CRISP3: variants seen among roughly 807,000 people sequenced by gnomAD.
The protein encoded by CRISP3 is cysteine rich secretory protein 3.
Under a neutral mutation model 36.1 loss-of-function variants are expected in CRISP3, and 33 were observed. The observed-to-expected ratio is 0.91, with a 90% CI of 0.69 to 1.22. The LOEUF (loss-of-function observed/expected upper bound fraction) is 1.22. Ranked by LOEUF, CRISP3 falls within the 50% of genes most tolerant of loss-of-function variation. The pLI is 0.00. For synonymous variants in CRISP3, 117 were observed against 104.6 expected (o/e 1.12, Z -0.72); for missense variants, 330 against 301.2 (o/e 1.10, Z -0.71).
intron 1 of CRISP3, among the ~76,000 whole-genome samples, chr6:49,743,705 G>A (rs1338868591): frequency 1.3e-5 from 2 of 152,008 alleles, no homozygotes; most frequent in East Asian, 1.9e-4. Context: ...AAATATGCAC[G>A]ATAGATATTA....
rs535787765 is a variant in CRISP3 at position 49,739,012 on chromosome 6, A to C, written c.38-1614T>G. Among the ~76,000 whole-genome samples the C allele has an allele frequency of 7.6e-3, 1,160 of 151,976 alleles. 18 individuals carry two copies. Among genetic ancestry groups the C allele is most frequent in the African/African-American group, 0.027 (1,114 of 41,420 alleles). On this transcript the variant is annotated intron_variant, in intron 1 of 7. Transcript: ENST00000263045. ...TACACTTGAAGTCTGAAAAAAAAAAAGAATCCACGAAAAATGATGTTGCCA... is the reference window on the plus strand; with the variant it reads ...TACACTTGAAGTCTGAAAAAAAAAACGAATCCACGAAAAATGATGTTGCCA...
chr6:49,732,455 T>C (rs563905842), intron 6 of CRISP3, among the ~76,000 whole-genome samples: 12 of 152,232 alleles, frequency 7.9e-5, no homozygotes, highest in Admixed American at 2.6e-4. Flanking sequence ...TTAAAGCTAA[T>C]AGATATGTTG....
rs377483373 is a variant in CRISP3, at chr6:49,733,268, C to T, written c.487G>A (p.Val163Ile). Reference sequence around the variant, plus strand: ...GGACAGTAGGCATTTCCACATCCAACGAGGTATGAAGAGTACCAAACAACC... The same window carrying T: ...GGACAGTAGGCATTTCCACATCCAATGAGGTATGAAGAGTACCAAACAACC... ...TQVVWYSSYL[V>I]GCGNAYCPNQ... The change falls in exon 6 of 8, where the codon GTT (valine) becomes ATT (isoleucine). Residue 163 changes from valine (V) to isoleucine (I), a missense_variant. Transcript: ENST00000263045. The T allele has an allele frequency of 6.3e-5, 101 of 1,610,380 alleles. No individual in the cohort carries two copies. The highest frequency in any genetic ancestry group is 4.9e-4 in the Middle Eastern group (3 of 6,072).
In CRISP3 at chr6:49,736,519, TA is replaced by T; in HGVS notation, c.112-13del. 2 of 1,541,840 alleles carry T rather than the reference TA, an allele frequency of 1.3e-6. No homozygotes were observed. Among genetic ancestry groups the T allele is most frequent in the Non-Finnish European group, 1.8e-6 (2 of 1,114,590 alleles). On this transcript the variant is annotated splice_polypyrimidine_tract_variant and intron_variant, in intron 2 of 7. Transcript: ENST00000263045. Reference sequence around the variant, plus strand: ...GTAAAAGCGGGATCCTAAGGGAAAATAAAATTACAATTATCTTTTAACATTG... The same window carrying T: ...GTAAAAGCGGGATCCTAAGGGAAAATAAATTACAATTATCTTTTAACATTG...
chr6:49,744,316 G>A lies in CRISP3; in HGVS notation c.37+15C>T, dbSNP rs1158150454. 4.7e-6 allele frequency: 7 copies of A among 1,504,840 alleles called. No individual in the cohort carries two copies. Among genetic ancestry groups the A allele is most frequent in the Non-Finnish European group, 5.4e-6 (6 of 1,120,458 alleles). The allele number at this position is 1,504,840 out of a possible 1,614,324, so 93.2% of individuals were successfully genotyped here. A position where few individuals can be genotyped will look rare whatever the true frequency, so the allele number is the denominator to read the frequency against. ...TAAATAATGTTCACCTTGAAATAAA[G>A]GAGTTATCACTTACCAGTGGTTTCC... On this transcript the variant is annotated intron_variant, in intron 1 of 7. Transcript: ENST00000263045.
intron 6 of CRISP3, 49 bp from the exon 7 acceptor site, chr6:49,731,300 T>C (rs577899102): frequency 2.4e-6 from 3 of 1,269,610 alleles, no homozygotes; most frequent in Middle Eastern, 3.9e-4. Flanking sequence ...TTATGTTTCG[T>C]TTATGTTCCA....
chr6:49,744,017 A>G (rs1769271152), intron 1 of CRISP3, among the ~76,000 whole-genome samples: 1 of 152,166 alleles, frequency 6.6e-6, no homozygotes, highest in Non-Finnish European at 1.5e-5. Flanking sequence ...TATTAAAAAT[A>G]GTTCTAGTAC....
chr6:49,742,001 T>G (rs1769218191), intron 1 of CRISP3, among the ~76,000 whole-genome samples: 1 of 151,050 alleles, frequency 6.6e-6, no homozygotes, highest in Non-Finnish European at 1.5e-5. Context: ...ACACCAAAAT[T>G]AACAATTTTG....
rs1768903333 is a variant in CRISP3, at chr6:49,731,033, C to G, written c.649+130G>C. On this transcript the variant is annotated intron_variant, in intron 7 of 7. Transcript: ENST00000263045. The stretch of plus-strand genomic sequence containing the variant: ...CTCCAGCCTGGGCGACAGAGCCAGA[C>G]AGACTTTTTTTTCCTTTTTGTCCTT... The G allele has an allele frequency of 8.1e-6, 5 of 615,050 alleles. No homozygotes were observed. The Admixed American group carries it at 1.1e-4, about 13-fold the overall frequency. 38.1% of individuals were successfully genotyped at this position (615,050 alleles called of 1,614,324 possible).
At chr6:49,737,170 T>C (rs1769075773) in intron 2 of CRISP3, among the ~76,000 whole-genome samples, 155 bp downstream of exon 2, 1 of 152,142 alleles carries the variant, frequency 6.6e-6, no homozygotes, top group Admixed American at 6.5e-5. Context: ...CACCACAGCT[T>C]TAAACATAAT....
At chr6:49,737,560 T>C (rs758861184) in intron 1 of CRISP3, 162 bp from the exon 2 acceptor site, 74 of 730,062 alleles carry the variant, frequency 1.0e-4, no homozygotes, top group Non-Finnish European at 1.6e-4. Context: ...AGAATGACAG[T>C]GGATTCAGCT....
rs779938363 is a variant in CRISP3 at position 49,733,851 on chromosome 6, A to C, written c.317-3T>G. The C allele has an allele frequency of 6.4e-5, 103 of 1,612,850 alleles. No individual in the cohort carries two copies. The highest frequency in any genetic ancestry group is 8.3e-5 in the Non-Finnish European group (98 of 1,179,344). ...GAGATTCTCACCACATTTTAGACCT[A>C]AGAAGGAACAGACCACTCATGAGGA... On this transcript the variant is annotated splice_region_variant and splice_polypyrimidine_tract_variant and intron_variant, in intron 4 of 7. Transcript: ENST00000263045.
chr6:49,738,081 G>T (rs1025180143), intron 1 of CRISP3, among the ~76,000 whole-genome samples: 1 of 151,778 alleles, frequency 6.6e-6, no homozygotes, highest in Non-Finnish European at 1.5e-5. Context: ...TTTTCCTCTG[G>T]ATCTTAAAAC....
Position 49,738,041 on chromosome 6 carries a change from C to A in CRISP3, c.38-643G>T, listed in dbSNP as rs1387152392. Among the ~76,000 whole-genome samples, 5 of 152,204 alleles carry A rather than the reference C, an allele frequency of 3.3e-5. No individual in the cohort carries two copies. The South Asian group carries it at 1.0e-3, about 32-fold the overall frequency. On this transcript the variant is annotated intron_variant, in intron 1 of 7. Coordinates refer to ENST00000263045, the MANE Select transcript of CRISP3 (RefSeq NM_006061.4). Reference sequence around the variant, plus strand: ...TTTCCTCTCAAAACTTTCTTTAATACCATGCCTCAAATTTAAAAAGGCAAC... The same window carrying A: ...TTTCCTCTCAAAACTTTCTTTAATAACATGCCTCAAATTTAAAAAGGCAAC...
intron 1 of CRISP3, among the ~76,000 whole-genome samples, chr6:49,741,125 AAAAAAAACAAAC>A: frequency 3.4e-5 from 2 of 59,650 alleles, no homozygotes; most frequent in African/African-American, 1.0e-4. Flanking sequence ...ACAAACAAAC[AAAAAAAACAAAC>A]AAAAAAAAAC....
At chr6:49,739,685 T>C (rs1022234781) in intron 1 of CRISP3, among the ~76,000 whole-genome samples, 8 of 152,144 alleles carry the variant, frequency 5.3e-5, no homozygotes, top group African/African-American at 1.7e-4. Context: ...GGGACTACTG[T>C]AAATAGCAGG....
Position 49,731,158 on chromosome 6 carries a change from C to T in CRISP3, c.649+5G>A, listed in dbSNP as rs770652638. On this transcript the variant is annotated splice_donor_5th_base_variant and intron_variant, in intron 7 of 7. Coordinates refer to ENST00000263045, the MANE Select transcript of CRISP3 (RefSeq NM_006061.4). ...TTATTATCAAGTTAATCACTTCAAA[C>T]TTACTGCATAGTCCATCGTCACAGT... 4.0e-5 allele frequency: 63 copies of T among 1,579,522 alleles called. No homozygotes were observed. The highest frequency in any genetic ancestry group is 5.3e-5 in the Admixed American group (3 of 57,074).
chr6:49,734,768 C>T (rs1440835411), intron 4 of CRISP3, among the ~76,000 whole-genome samples: 2 of 151,940 alleles, frequency 1.3e-5, no homozygotes, highest in African/African-American at 4.8e-5. Flanking sequence ...AGTTATTTAC[C>T]ACTTGTAAAT....
chr6:49,730,799 G>T (rs904213859), intron 7 of CRISP3, among the ~76,000 whole-genome samples: 1 of 152,114 alleles, frequency 6.6e-6, no homozygotes, highest in Non-Finnish European at 1.5e-5. Flanking sequence ...CCAGCACTTC[G>T]GGTGGCTGAG....
Sources: allele counts gnomAD v4.1 joint callset (sites outside exome capture counted in the v4.1 genomes callset), GRCh38; gene constraint gnomAD v4.1.1; transcripts MANE v1.5; gene names NCBI Gene and HGNC (gene_info 2026-07-23, HGNC 2026-07-21).